Variants in GLOD4 observed in about 807,000 individuals in gnomAD.
GLOD4 encodes glyoxalase domain containing 4, also known as glyoxalase domain-containing protein 4.
In GLOD4, 44 loss-of-function variants were observed where a neutral mutation model predicts 39.1. The observed-to-expected ratio is 1.13, with a 90% confidence interval of 0.88 to 1.45. GLOD4 has a LOEUF of 1.45. Ranked by LOEUF, GLOD4 falls within the 40% of genes most tolerant of loss-of-function variation. GLOD4 has a pLI of 0.00. For missense variants in GLOD4, 405 were observed against 366.4 expected (o/e 1.11, Z -0.86); for synonymous variants, 145 against 135.0 (o/e 1.07, Z -0.52).
At chr17:772,871 T>C (rs1034578020) in intron 4 of GLOD4, among the ~76,000 whole-genome samples, 1 of 151,766 alleles carries the variant, frequency 6.6e-6, no homozygotes, top group Non-Finnish European at 1.5e-5. Flanking sequence ...GGCGGGCGCC[T>C]GTGGTCCCAG....
chr17:770,700 T>C (rs1302223850), intron 5 of GLOD4, 193 bp from the exon 6 acceptor site: 2 of 436,078 alleles, frequency 4.6e-6, no homozygotes, highest in Non-Finnish European at 8.2e-6. Flanking sequence ...TCTATGTTTT[T>C]TTTTTTACAC....
At chr17:775,949 A>C in intron 3 of GLOD4, 30 bp from the exon 4 acceptor site, 1 of 1,597,448 alleles carries the variant, frequency 6.3e-7, no homozygotes, top group Non-Finnish European at 8.6e-7. Flanking sequence ...ATCCAAGTAC[A>C]TGATCACAAC....
intron 4 of GLOD4, among the ~76,000 whole-genome samples, chr17:774,691 G>C (rs1354011223): frequency 2.0e-5 from 3 of 152,134 alleles, no homozygotes; most frequent in Admixed American, 6.5e-5. Flanking sequence ...CCAGTGATTG[G>C]TTTAGGAGCA....
upstream of GLOD4, chr17:782,294 C>A (rs1465445034): frequency 7.4e-6 from 12 of 1,611,566 alleles, no homozygotes; most frequent in African/African-American, 1.3e-5. Flanking sequence ...CACCGTACAG[C>A]CCAGTCCACG....
chr17:768,957 CAG>C (rs1267365311), intron 8 of GLOD4, among the ~76,000 whole-genome samples: 2 of 152,214 alleles, frequency 1.3e-5, no homozygotes, highest in Non-Finnish European at 1.5e-5. Flanking sequence ...GAGAGAGAAA[CAG>C]TGCGCACTCA....
intron 4 of GLOD4, among the ~76,000 whole-genome samples, 158 bp downstream of exon 4, chr17:775,617 T>G (rs945805570): frequency 1.3e-5 from 2 of 152,230 alleles, no homozygotes; most frequent in African/African-American, 4.8e-5. Context: ...TAAGTTCTGA[T>G]ATGAGAATGT....
Position 760,214 on chromosome 17 carries a change from C to T in GLOD4, c.856G>A (p.Glu286Lys), listed in dbSNP as rs1396620954. ...GGTTTATTGTGTTTGGCAAACCACT[C>T]GTCACTTTTATCTGCTGCCATTGCC... Reference protein sequence around the residue: ...DDAMAADKSDEWFAKHNKPKA... With the variant: ...DDAMAADKSDKWFAKHNKPKA... Residue 286 changes from glutamate to lysine, a missense_variant, in exon 9 of 9, where the codon GAG becomes AAG. Physicochemically the swap from Glu to Lys is moderately conservative, Grantham distance 56. Coordinates refer to ENST00000301329, the MANE Select transcript of GLOD4 (RefSeq NM_016080.4). 6.3e-6 allele frequency: 10 copies of T among 1,596,722 alleles called. No homozygotes were observed. Among genetic ancestry groups the T allele is most frequent in the Non-Finnish European group, 8.6e-6 (10 of 1,164,202 alleles).
At position 760,025 on chromosome 17, in the gene GLOD4, A is replaced by G. The variant is rs1905187550; in HGVS notation, c.*148T>C. On this transcript the variant is annotated 3_prime_UTR_variant, in exon 9 of 9. Transcript: ENST00000301329. ...ATTTCTAAATTACATCAGAGCTTTC[A>G]AAGATTGAAATACACAAATCTGCAC... 7 of 625,880 alleles carry G rather than the reference A, an allele frequency of 1.1e-5. 1 individual carries two copies. Among genetic ancestry groups the G allele is most frequent in the East Asian group, 5.3e-5 (2 of 37,444 alleles). The allele number at this position is 625,880 out of a possible 1,614,324, so 38.8% of individuals were successfully genotyped here. A position where few individuals can be genotyped will look rare whatever the true frequency, so the allele number is the denominator to read the frequency against.
At chr17:782,395 G>A (rs1910148257), upstream of GLOD4, 1 of 1,613,736 alleles carries the variant, frequency 6.2e-7, no homozygotes, top group Non-Finnish European at 8.5e-7. Context: ...GCGCTGGTGA[G>A]ACCCGCGAGG....
chr17:761,797 C>T (rs1905489290), intron 8 of GLOD4, among the ~76,000 whole-genome samples: 1 of 152,164 alleles, frequency 6.6e-6, no homozygotes, highest in African/African-American at 2.4e-5. Context: ...AGCCATCGCG[C>T]CCGGCTGAAC....
Position 782,266 on chromosome 17 carries a change from G to C in GLOD4, c.-11C>G, listed in dbSNP as rs1394747513. ...TCTGCGAGCAGCCATGATTCCCGCC[G>C]CACGCAGCCGTCACGCGCACCGTAC... On this transcript the variant is annotated 5_prime_UTR_variant, in exon 1 of 9. Transcript: ENST00000301329. The C allele has an allele frequency of 6.2e-7, 1 of 1,613,000 alleles. No individual in the cohort carries two copies.
chr17:765,739 C>T (rs897075112), intron 8 of GLOD4, among the ~76,000 whole-genome samples: 9 of 151,818 alleles, frequency 5.9e-5, no homozygotes, highest in Admixed American at 1.3e-4. Flanking sequence ...CCACCGCACC[C>T]GGCCTACTCA....
upstream of GLOD4, among the ~76,000 whole-genome samples, chr17:785,168 A>T (rs1910477772): frequency 6.6e-6 from 1 of 152,180 alleles, no homozygotes; most frequent in South Asian, 2.1e-4. Flanking sequence ...TGGCTTAAAA[A>T]AAAAAGCTTA....
At chr17:783,363 G>C, upstream of GLOD4, 1 of 1,077,472 alleles carries the variant, frequency 9.3e-7, no homozygotes, top group Non-Finnish European at 1.3e-6. Flanking sequence ...TTTTTTTTTT[G>C]TCTTGTTCTG....
chr17:776,762 C>A, intron 3 of GLOD4, 106 bp downstream of exon 3: 1 of 856,314 alleles, frequency 1.2e-6, no homozygotes, highest in Non-Finnish European at 2.0e-6. Context: ...TGAGTCTCTG[C>A]TCAAATGTTA....
chr17:782,549 G>T, upstream of GLOD4: 2 of 1,613,926 alleles, frequency 1.2e-6, no homozygotes, highest in Non-Finnish European at 1.7e-6. Context: ...CTGGGAAGCA[G>T]CCCCGCAAGG....
At chr17:777,172 A>G in intron 2 of GLOD4, 184 bp from the exon 3 acceptor site, 1 of 599,988 alleles carries the variant, frequency 1.7e-6, no homozygotes, top group South Asian at 2.0e-5. Flanking sequence ...CCCTACTACA[A>G]GCTCCAAAGA....
intron 8 of GLOD4, among the ~76,000 whole-genome samples, chr17:769,062 G>A (rs1907388468): frequency 6.6e-6 from 1 of 152,252 alleles, no homozygotes; most frequent in Admixed American, 6.5e-5. Flanking sequence ...GCACGCTGGC[G>A]AGAATAACTC....
chr17:768,101 G>A lies in GLOD4; in HGVS notation c.831+1768C>T, dbSNP rs527647547. On this transcript the variant is annotated intron_variant, in intron 8 of 8. Coordinates refer to ENST00000301329, the MANE Select transcript of GLOD4 (RefSeq NM_016080.4). The stretch of plus-strand genomic sequence containing the variant: ...TCAGATTTTTAGAAGAAGAAATCTG[G>A]AGAGGATGTGTGAGAGAGAAACAGC... Among the ~76,000 whole-genome samples, 168 of 143,628 alleles carry A rather than the reference G, an allele frequency of 1.2e-3. 1 individual carries two copies. The highest frequency in any genetic ancestry group is 4.3e-3 in the African/African-American group (161 of 37,248). 94.2% of individuals were successfully genotyped at this position (143,628 alleles called of 152,430 possible). A position where few individuals can be genotyped will look rare whatever the true frequency, so the allele number is the denominator to read the frequency against.
Sources: gnomAD v4.1 joint callset for allele counts (sites outside exome capture counted in the v4.1 genomes callset) on GRCh38, gnomAD v4.1.1 for gene constraint, MANE v1.5 for transcripts, NCBI Gene and HGNC (gene_info 2026-07-23, HGNC 2026-07-21) for gene names.